EXOC4: variants seen among roughly 807,000 people sequenced by gnomAD.
EXOC4 encodes SEC8-like 1.
In EXOC4, 71 loss-of-function variants were observed where a neutral mutation model predicts 107.2. The ratio of observed to expected loss-of-function variants is 0.66; its 90% confidence interval spans 0.55 to 0.81. The LOEUF (loss-of-function observed/expected upper bound fraction) is 0.81, where lower values mean the gene tolerates loss of function less well. EXOC4 is among the 30% of genes least tolerant of loss of function. EXOC4 has a pLI of 0.00. For synonymous variants in EXOC4, 456 were observed against 441.2 expected (o/e 1.03, Z -0.42); for missense variants, 1,108 against 1,189.6 (o/e 0.93, Z 1.01).
chr7:133,420,076 C>G (rs1405430884), intron 7 of EXOC4, among the ~76,000 whole-genome samples: 2 of 146,168 alleles, frequency 1.4e-5, no homozygotes, highest in Non-Finnish European at 3.0e-5. Flanking sequence ...CCCACTAACT[C>G]GTCATCTAGC....
At chr7:133,511,918 C>A (rs1389694804) in intron 9 of EXOC4, among the ~76,000 whole-genome samples, 3 of 152,166 alleles carry the variant, frequency 2.0e-5, no homozygotes, top group Non-Finnish European at 4.4e-5. Flanking sequence ...TGCTCCTCTC[C>A]CCGCCCTTCT....
chr7:133,747,541 TA>T (rs574535106), intron 10 of EXOC4, among the ~76,000 whole-genome samples: 189 of 152,302 alleles, frequency 1.2e-3, no homozygotes, highest in African/African-American at 4.2e-3. Flanking sequence ...AACATTTATT[TA>T]AAATCACACT....
rs201609585 is a variant in EXOC4, at chr7:133,356,539, C to T, written c.973C>T (p.Arg325Trp). The T allele has an allele frequency of 8.7e-6, 14 of 1,613,932 alleles. No homozygotes were observed. The East Asian group carries it at 1.3e-4, about 15-fold the overall frequency. ...CCAGGTGGCAGACAGTGGCTATCAG[C>T]GGGGGGAGAACGTTACTGTGGAGAA... ...TTQVADSGYQRGENVTVENQP... is the reference protein window; with the variant it reads ...TTQVADSGYQWGENVTVENQP... Residue 325 changes from arginine to tryptophan, a missense_variant, in exon 6 of 18, where the codon CGG becomes TGG. By Grantham distance (101) the Arg-to-Trp change is moderately radical. Transcript: ENST00000253861.
At chr7:133,468,350 G>A (rs1429644807) in intron 7 of EXOC4, among the ~76,000 whole-genome samples, 1 of 2,812 alleles carries the variant, frequency 3.6e-4, no homozygotes, top group East Asian at 0.014. Context: ...CCTTACTGCA[G>A]AATATTTTAG....
intron 14 of EXOC4, among the ~76,000 whole-genome samples, chr7:133,962,331 G>A (rs1475229169): frequency 1.3e-5 from 2 of 152,158 alleles, no homozygotes; most frequent in Non-Finnish European, 2.9e-5. Flanking sequence ...TTCCTGAGAA[G>A]CTTTACACAT....
intron 14 of EXOC4, among the ~76,000 whole-genome samples, chr7:133,964,599 T>A (rs1037092259): frequency 3.9e-5 from 6 of 152,148 alleles, no homozygotes; most frequent in Non-Finnish European, 8.8e-5. Context: ...TGTTCCTGTG[T>A]TAGTTTGCTG....
chr7:133,951,549 A>G (rs10272509), intron 14 of EXOC4, among the ~76,000 whole-genome samples: 45,707 of 152,080 alleles, frequency 0.3, 7,289 homozygotes, highest in Non-Finnish European at 0.34. Flanking sequence ...ACTCAACATG[A>G]AATGCCCAAA....
chr7:133,914,051 T>A (rs552052829), intron 12 of EXOC4, among the ~76,000 whole-genome samples: 6 of 152,304 alleles, frequency 3.9e-5, no homozygotes, highest in Non-Finnish European at 5.9e-5. Context: ...AAAAGTGCTC[T>A]TGGGTTGGTG....
At chr7:133,798,015 G>C (rs1473459773) in intron 10 of EXOC4, among the ~76,000 whole-genome samples, 2 of 152,092 alleles carry the variant, frequency 1.3e-5, no homozygotes, top group Non-Finnish European at 2.9e-5. Context: ...GTATGTGCTG[G>C]CACCCTACTG....
chr7:133,377,647 T>G (rs1037080449), intron 7 of EXOC4, among the ~76,000 whole-genome samples: 3 of 152,130 alleles, frequency 2.0e-5, no homozygotes. Context: ...TTGAAATTTG[T>G]TGAGAAACAT....
At chr7:134,092,591 T>A in the EXOC4 span, among the ~76,000 whole-genome samples, 1 of 152,162 alleles carries the variant, frequency 6.6e-6, no homozygotes, top group Non-Finnish European at 1.5e-5. Flanking sequence ...CAACCAAGAA[T>A]TTCATATCCC....
chr7:133,619,929 A>G (rs1241327449), intron 9 of EXOC4, among the ~76,000 whole-genome samples: 1 of 151,898 alleles, frequency 6.6e-6, no homozygotes, highest in African/African-American at 2.4e-5. Context: ...TAGAGAAGAA[A>G]ATATTAATAC....
intron 12 of EXOC4, among the ~76,000 whole-genome samples, chr7:133,911,159 T>G (rs558113229): frequency 2.0e-5 from 3 of 152,318 alleles, no homozygotes; most frequent in Admixed American, 2.0e-4. Flanking sequence ...TGTCTGTGGC[T>G]CATTGAGCTG....
At chr7:133,536,988 A>C (rs974007787) in intron 9 of EXOC4, among the ~76,000 whole-genome samples, 2 of 152,206 alleles carry the variant, frequency 1.3e-5, no homozygotes, top group African/African-American at 4.8e-5. Flanking sequence ...GTGAAGACTC[A>C]GAAATGTATC....
At chr7:133,901,911 C>T (rs192813235) in intron 12 of EXOC4, among the ~76,000 whole-genome samples, 49 of 152,208 alleles carry the variant, frequency 3.2e-4, no homozygotes, top group Non-Finnish European at 6.6e-4. Flanking sequence ...CCCACTTCTC[C>T]CAACTGAAGC....
intron 10 of EXOC4, among the ~76,000 whole-genome samples, chr7:133,764,612 G>T (rs1024230719): frequency 2.6e-5 from 4 of 151,986 alleles, no homozygotes; most frequent in African/African-American, 9.7e-5. Context: ...TGAGGATTAG[G>T]AAACAAACTT....
intron 9 of EXOC4, among the ~76,000 whole-genome samples, chr7:133,513,062 G>T (rs1025052705): frequency 1.3e-5 from 2 of 152,058 alleles, no homozygotes; most frequent in Non-Finnish European, 2.9e-5. Context: ...CCGAGATCGC[G>T]CCACTGCACT....
intron 10 of EXOC4, among the ~76,000 whole-genome samples, chr7:133,689,931 T>C (rs1042257121): frequency 1.3e-5 from 2 of 152,216 alleles, no homozygotes; most frequent in African/African-American, 4.8e-5. Context: ...GCTGAGCAGA[T>C]GAGGTTGGCT....
Position 133,997,568 on chromosome 7 carries a change from T to C in EXOC4, c.2283T>C (p.Ser761=). 6.2e-7 allele frequency: 1 copy of C among 1,613,716 alleles called. No individual in the cohort carries two copies. The highest frequency in any genetic ancestry group is 8.5e-7 in the Non-Finnish European group (1 of 1,179,780). ...CAGAGCAGATCATGCAGACTCTCAG[T>C]GAACTTGCCAAATCGTTCCAGGATA... ...PVSEQIMQTL[S]ELAKSFQDMA... Residue 761 remains serine (S), a synonymous_variant, in exon 15 of 18, where the codon AGT becomes AGC. Coordinates refer to ENST00000253861, the MANE Select transcript of EXOC4 (RefSeq NM_021807.4).
Sources: allele counts gnomAD v4.1 joint callset (sites outside exome capture counted in the v4.1 genomes callset), GRCh38; gene constraint gnomAD v4.1.1; transcripts MANE v1.5; gene names NCBI Gene and HGNC (gene_info 2026-07-23, HGNC 2026-07-21).